EEPD1: variants seen among roughly 807,000 people sequenced by gnomAD.
EEPD1 encodes the protein endonuclease/exonuclease/phosphatase family domain-containing protein 1.
A neutral mutation model predicts 46.3 loss-of-function variants in EEPD1; 17 were observed. The observed-to-expected ratio is 0.37, with a 90% CI of 0.25 to 0.55. The LOEUF (loss-of-function observed/expected upper bound fraction) is 0.55, where lower values mean the gene tolerates loss of function less well. Among genes scored for constraint, EEPD1 ranks in the 20% least tolerant of loss-of-function variants. EEPD1 has a pLI of 0.83. For synonymous variants in EEPD1, 313 were observed against 315.6 expected (o/e 0.99, Z 0.09); for missense variants, 673 against 745.6 (o/e 0.90, Z 1.13).
At position 36,241,964 on chromosome 7, in the gene EEPD1, A is replaced by G. The variant is rs556463759; in HGVS notation, c.930+2928A>G. Among the ~76,000 whole-genome samples, 10 of 152,340 alleles carry G rather than the reference A, an allele frequency of 6.6e-5. No homozygotes were observed. The South Asian group carries it at 8.3e-4, about 13-fold the overall frequency. ...CTAACCCAATCTGTGAGTATTAACT[A>G]CTTTCAAAACCTATCAGAGAAATAG... On this transcript the variant is annotated intron_variant, in intron 3 of 7. Coordinates refer to ENST00000242108, the MANE Select transcript of EEPD1 (RefSeq NM_030636.3).
chr7:36,205,022 G>C (rs921463873), intron 2 of EEPD1, among the ~76,000 whole-genome samples: 1 of 152,228 alleles, frequency 6.6e-6, no homozygotes, highest in African/African-American at 2.4e-5. Context: ...ACATGGTCCA[G>C]GCTCATTTCT....
chr7:36,172,856 G>T (rs538788269), intron 2 of EEPD1, among the ~76,000 whole-genome samples: 7 of 133,008 alleles, frequency 5.3e-5, no homozygotes, highest in African/African-American at 1.9e-4. Flanking sequence ...TTGGTCAGAA[G>T]TTCTGGAGGC....
intron 2 of EEPD1, among the ~76,000 whole-genome samples, chr7:36,173,346 A>AG (rs1785123464): frequency 6.6e-6 from 1 of 150,836 alleles, no homozygotes; most frequent in Non-Finnish European, 1.5e-5. Context: ...AAAAAAAAAA[A>AG]AACTTAGCTG....
At chr7:36,275,389 T>A (rs1307669788) in intron 3 of EEPD1, among the ~76,000 whole-genome samples, 1 of 152,222 alleles carries the variant, frequency 6.6e-6, no homozygotes, top group Non-Finnish European at 1.5e-5. Context: ...CTGAACTTAG[T>A]GGTAGCTGGA....
At chr7:36,201,785 T>G (rs1785716121) in intron 2 of EEPD1, among the ~76,000 whole-genome samples, 1 of 152,146 alleles carries the variant, frequency 6.6e-6, no homozygotes, top group Non-Finnish European at 1.5e-5. Context: ...GCAGGTGCAT[T>G]TACTCCCAAG....
chr7:36,165,909 T>A (rs1239623380), intron 2 of EEPD1, among the ~76,000 whole-genome samples: 1 of 152,198 alleles, frequency 6.6e-6, no homozygotes, highest in Non-Finnish European at 1.5e-5. Context: ...GAAGTCCTAG[T>A]GAGCTTTTAT....
intron 2 of EEPD1, among the ~76,000 whole-genome samples, chr7:36,223,626 A>T (rs1287313149): frequency 1.3e-5 from 2 of 152,226 alleles, no homozygotes; most frequent in Non-Finnish European, 2.9e-5. Flanking sequence ...TTTAAATTAT[A>T]TAAGCTTGGC....
chr7:36,212,417 A>AT (rs1804973428), intron 2 of EEPD1, among the ~76,000 whole-genome samples: 1 of 151,594 alleles, frequency 6.6e-6, no homozygotes, highest in African/African-American at 2.4e-5. Context: ...ATGCAAAGAT[A>AT]TTCATTAATC....
intron 6 of EEPD1, among the ~76,000 whole-genome samples, chr7:36,296,157 G>T (rs1041929084): frequency 1.3e-5 from 2 of 151,924 alleles, no homozygotes; most frequent in Non-Finnish European, 2.9e-5. Flanking sequence ...TCAACATGAT[G>T]GATGGATGGA....
intron 2 of EEPD1, among the ~76,000 whole-genome samples, chr7:36,213,075 C>G (rs1785964179): frequency 6.6e-6 from 1 of 152,194 alleles, no homozygotes. Flanking sequence ...ATGGCTTGTA[C>G]CTGCGAGGCG....
intron 2 of EEPD1, among the ~76,000 whole-genome samples, chr7:36,226,265 G>C (rs768022073): frequency 3.9e-5 from 6 of 152,156 alleles, no homozygotes; most frequent in Non-Finnish European, 7.3e-5. Flanking sequence ...AAGTGTTAGT[G>C]GCTAAAGAAA....
rs79348585 is a variant in EEPD1, at chr7:36,222,757, G to A, written c.879-16228G>A. Among the ~76,000 whole-genome samples the A allele has an allele frequency of 7.5e-3, 1,136 of 152,232 alleles. 6 individuals are homozygous for A. The highest frequency in any genetic ancestry group is 0.026 in the African/African-American group (1,065 of 41,522). On this transcript the variant is annotated intron_variant, in intron 2 of 7. Transcript: ENST00000242108. ...TCTTCTAGCGGGGTCCCCACTTGGT[G>A]GAAGGAGCAAAGCAGCTCTCTTCGT...
chr7:36,193,102 G>T lies in EEPD1; in HGVS notation c.878+37900G>T, dbSNP rs185132576. Among the ~76,000 whole-genome samples the T allele has an allele frequency of 3.9e-5, 6 of 152,318 alleles. No homozygotes were observed. In the East Asian group the frequency reaches 1.2e-3, roughly 29 times the overall value. Reference sequence around the variant, plus strand: ...TGCACTGAAGAACCCCCAGCCCAGTGGGGGAGGCAAGCCGGGCACAGAGCA... The same window carrying T: ...TGCACTGAAGAACCCCCAGCCCAGTTGGGGAGGCAAGCCGGGCACAGAGCA... On this transcript the variant is annotated intron_variant, in intron 2 of 7. Coordinates refer to ENST00000242108, the MANE Select transcript of EEPD1 (RefSeq NM_030636.3). This position sits in a 1 kb window ranked among gnomAD's most constrained non-coding sequence, Gnocchi z 4.9.
chr7:36,181,466 A>G (rs1785268279), intron 2 of EEPD1, among the ~76,000 whole-genome samples: 1 of 152,190 alleles, frequency 6.6e-6, no homozygotes, highest in African/African-American at 2.4e-5. Flanking sequence ...CACTCCTAAC[A>G]TCTGTCTAGC....
At chr7:36,235,562 C>A (rs748829406) in intron 2 of EEPD1, among the ~76,000 whole-genome samples, 6 of 152,252 alleles carry the variant, frequency 3.9e-5, no homozygotes, top group Non-Finnish European at 8.8e-5. Flanking sequence ...TACAGTACAT[C>A]ATATTCTGGA....
At position 36,299,044 on chromosome 7, in the gene EEPD1, T is replaced by C. The variant is rs766118660; in HGVS notation, c.1548T>C (p.Pro516=). 4 of 1,613,944 alleles carry C rather than the reference T, an allele frequency of 2.5e-6. No individual in the cohort carries two copies. The African/African-American group carries it at 5.3e-5, about 22-fold the overall frequency. The part of the protein sequence containing the change: ...WAVVREGLTN[P]WIPDNWSWGG... The stretch of plus-strand genomic sequence containing the variant: ...TGGTGAGAGAAGGCCTCACGAACCC[T>C]TGGATTCCGGATAACTGGTCTTGGG... Residue 516 remains proline (P), a synonymous_variant, in exon 8 of 8, where the codon CCT becomes CCC. Transcript: ENST00000242108.
At chr7:36,199,289 A>G (rs1785669954) in intron 2 of EEPD1, among the ~76,000 whole-genome samples, 1 of 152,134 alleles carries the variant, frequency 6.6e-6, no homozygotes, top group Non-Finnish European at 1.5e-5. Context: ...TTTCCAGGGT[A>G]GGGACTGTCT....
At chr7:36,177,874 C>T (rs982920214) in intron 2 of EEPD1, among the ~76,000 whole-genome samples, 20 of 152,038 alleles carry the variant, frequency 1.3e-4, no homozygotes, top group Admixed American at 2.6e-4. Context: ...CCTCCATGCC[C>T]GGCTATGTTT....
At chr7:36,293,878 C>T (rs1226277115) in intron 6 of EEPD1, among the ~76,000 whole-genome samples, 7 of 151,916 alleles carry the variant, frequency 4.6e-5, no homozygotes, top group African/African-American at 1.7e-4. Flanking sequence ...GCAGGAGAAT[C>T]GCTTGAACCC....
Sources: gnomAD v4.1 joint callset for allele counts (sites outside exome capture counted in the v4.1 genomes callset) on GRCh38, gnomAD v4.1.1 for gene constraint, Gnocchi (gnomAD v3.1) non-coding constraint, MANE v1.5 for transcripts, NCBI Gene and HGNC (gene_info 2026-07-23, HGNC 2026-07-21) for gene names.